The following KLK9 variants were observed in gnomAD, a reference collection of about 807,000 sequenced individuals.
KLK9 encodes the protein kallikrein related peptidase 9, also known as kallikrein-9.
Under a neutral mutation model 23.3 loss-of-function variants are expected in KLK9, and 26 were observed. The ratio of observed to expected loss-of-function variants is 1.12; its 90% CI spans 0.82 to 1.55. The LOEUF (loss-of-function observed/expected upper bound fraction) is 1.55, where lower values mean the gene tolerates loss of function less well. Ranked by LOEUF, KLK9 falls within the 40% of genes most tolerant of loss-of-function variation. The pLI is 0.00. For missense variants in KLK9, 346 were observed against 333.7 expected (o/e 1.04, Z -0.29); for synonymous variants, 122 against 128.5 (o/e 0.95, Z 0.34).
Position 51,006,333 on chromosome 19 carries a change from C to A in KLK9, c.466+125G>T. On this transcript the variant is annotated intron_variant, in intron 3 of 4. Coordinates refer to ENST00000594211, the MANE Select transcript of KLK9 (RefSeq NM_012315.2). This position sits in a 1 kb window ranked among gnomAD's most constrained non-coding sequence, Gnocchi z 4.1. ...GCATCTTATATTTGGTTAAATATAT[C>A]GATTGGCAGATAGATAGACTGACAG... 1 of 944,720 alleles carries A rather than the reference C, an allele frequency of 1.1e-6. No individual in the cohort carries two copies. 58.5% of individuals were successfully genotyped at this position (944,720 alleles called of 1,614,324 possible). A position where few individuals can be genotyped will look rare whatever the true frequency, so the allele number is the denominator to read the frequency against.
At position 51,002,998 on chromosome 19, in the gene KLK9, G is replaced by A. The variant is rs2122351883; in HGVS notation, c.*113C>T. ...GTCTTAGTGTCCAGAGGGGAGTCAG[G>A]GCAGCTGGAGGTCCAGGGCGGGAAC... On this transcript the variant is annotated 3_prime_UTR_variant, in exon 5 of 5. Coordinates refer to ENST00000594211, the MANE Select transcript of KLK9 (RefSeq NM_012315.2). 1 of 1,307,936 alleles carries A rather than the reference G, an allele frequency of 7.6e-7. No individual in the cohort carries two copies. Among genetic ancestry groups the A allele is most frequent in the East Asian group, 2.4e-5 (1 of 41,356 alleles). 81.0% of individuals were successfully genotyped at this position (1,307,936 alleles called of 1,614,324 possible). A position where few individuals can be genotyped will look rare whatever the true frequency, so the allele number is the denominator to read the frequency against.
At chr19:51,008,761 C>A (rs2091265439) in intron 2 of KLK9, among the ~76,000 whole-genome samples, 1 of 152,126 alleles carries the variant, frequency 6.6e-6, no homozygotes, top group South Asian at 2.1e-4. Flanking sequence ...TTTACTCATT[C>A]CTTATTTTTT....
At position 51,003,703 on chromosome 19, in the gene KLK9, C is replaced by A; in HGVS notation, c.603+1G>T. On this transcript the variant is annotated splice_donor_variant, in intron 4 of 4. Coordinates refer to ENST00000594211, the MANE Select transcript of KLK9 (RefSeq NM_012315.2). LOFTEE classifies it high-confidence loss of function. The stretch of plus-strand genomic sequence containing the variant: ...TCATTTTCCCCAGAGTAAGGTCTCA[C>A]CTGGCAGGAACCTCGGCCCCCCTCC... 1 of 1,611,034 alleles carries A rather than the reference C, an allele frequency of 6.2e-7. No individual in the cohort carries two copies. The highest frequency in any genetic ancestry group is 1.1e-5 in the South Asian group (1 of 90,656).
rs562939571 is a variant in KLK9, at chr19:51,003,632, C to T, written c.603+72G>A. On this transcript the variant is annotated intron_variant, in intron 4 of 4. Coordinates refer to ENST00000594211, the MANE Select transcript of KLK9 (RefSeq NM_012315.2). ...ATTTTGACCCAGGAAGGCTGGGGGC[C>T]GACCCCTCTGCTCCCCTAAATCCTA... The T allele has an allele frequency of 1.8e-4, 247 of 1,353,536 alleles. 4 individuals carry two copies. In the South Asian group the frequency reaches 2.5e-3, roughly 14 times the overall value. 83.8% of individuals were successfully genotyped at this position (1,353,536 alleles called of 1,614,324 possible).
At chr19:51,005,082 T>TGA (rs1253520598) in intron 3 of KLK9, among the ~76,000 whole-genome samples, 1 of 152,208 alleles carries the variant, frequency 6.6e-6, no homozygotes, top group Non-Finnish European at 1.5e-5. Flanking sequence ...TTTGGGAATG[T>TGA]GAGTTCTTCA....
In KLK9 at chr19:51,009,156, C is replaced by T. The variant is rs749577323; in HGVS notation, c.200+27G>A. 2 of 1,596,928 alleles carry T rather than the reference C, an allele frequency of 1.3e-6. No homozygotes were observed. The highest frequency in any genetic ancestry group is 2.3e-5 in the South Asian group (2 of 88,232). On this transcript the variant is annotated intron_variant, in intron 2 of 4. Transcript: ENST00000594211. This position sits in a 1 kb window ranked among gnomAD's most constrained non-coding sequence, Gnocchi z 4.8. ...CCTGACCCCCAGCCTCTGTCCCTCC[C>T]CAGCATGGCCAGCCTGGGTCACTCA... is the stretch of plus-strand genomic sequence containing the variant.
intron 3 of KLK9, among the ~76,000 whole-genome samples, chr19:51,005,814 C>T (rs1350122937): frequency 6.6e-6 from 1 of 151,572 alleles, no homozygotes; most frequent in African/African-American, 2.4e-5. Flanking sequence ...TGCAGTGGCT[C>T]ATGCCTGTTT....
At chr19:51,008,442 AGAATTATCT>A (rs1568559670) in intron 2 of KLK9, among the ~76,000 whole-genome samples, 1 of 152,124 alleles carries the variant, frequency 6.6e-6, no homozygotes, top group Non-Finnish European at 1.5e-5. Context: ...TTAAGACTAC[AGAATTATCT>A]GAATCTCAAT....
At chr19:51,003,331 C>G in intron 4 of KLK9, 71 bp from the exon 5 acceptor site, 1 of 1,492,092 alleles carries the variant, frequency 6.7e-7, no homozygotes. Flanking sequence ...GCCACTTCCT[C>G]CCTCCCAGAA....
chr19:51,006,236 T>C lies in KLK9; in HGVS notation c.466+222A>G, dbSNP rs1441878035. On this transcript the variant is annotated intron_variant, in intron 3 of 4. Transcript: ENST00000594211. The surrounding 1 kb of genome is among the most constrained non-coding windows in gnomAD (Gnocchi z 4.1). The stretch of plus-strand genomic sequence containing the variant: ...ATGGGATCTTTCCTCCTCCTCCTTT[T>C]TTTCTTCTCCTCCTCCTCCTTCTTC... Among the ~76,000 whole-genome samples, 5 of 151,922 alleles carry C rather than the reference T, an allele frequency of 3.3e-5. No individual in the cohort carries two copies. The highest frequency in any genetic ancestry group is 6.6e-5 in the Admixed American group (1 of 15,236).
Position 51,002,964 on chromosome 19 carries a change from A to T in KLK9, c.*147T>A. 1 of 966,498 alleles carries T rather than the reference A, an allele frequency of 1.0e-6. No individual in the cohort carries two copies. Among genetic ancestry groups the T allele is most frequent in the Non-Finnish European group, 1.5e-6 (1 of 666,302 alleles). 59.9% of individuals were successfully genotyped at this position (966,498 alleles called of 1,614,324 possible). A position where few individuals can be genotyped will look rare whatever the true frequency, so the allele number is the denominator to read the frequency against. ...TGACCTCGTGAGGGGGCGGAGCCTC[A>T]GGGGCGGAGTCTTAGTGTCCAGAGG... On this transcript the variant is annotated 3_prime_UTR_variant, in exon 5 of 5. Coordinates refer to ENST00000594211, the MANE Select transcript of KLK9 (RefSeq NM_012315.2).
chr19:51,003,523 T>C (rs2091243519), intron 4 of KLK9, among the ~76,000 whole-genome samples, 181 bp downstream of exon 4: 1 of 152,082 alleles, frequency 6.6e-6, no homozygotes, highest in Non-Finnish European at 1.5e-5. Flanking sequence ...AGTCTGGACC[T>C]CCAGACCTTT....
rs747496694 is a variant in KLK9 at position 51,006,696 on chromosome 19, GTGC to G, written c.225_227del (p.Glu75_His76delinsAsp). 147 of 1,603,728 alleles carry G rather than the reference GTGC, an allele frequency of 9.2e-5. 2 individuals carry two copies. The South Asian group carries it at 1.5e-3, about 17-fold the overall frequency. ...CCGGACCCTCCCATTTCCAGAGGTG[GTGC>G]TCTCCAAGGCGGACCCACAGATACC... On this transcript the variant is annotated inframe_deletion, in exon 3 of 5. Transcript: ENST00000594211. The surrounding 1 kb of genome is among the most constrained non-coding windows in gnomAD (Gnocchi z 4.1).
chr19:51,009,434 C>G lies in KLK9; in HGVS notation c.43+71G>C. 15 of 1,560,058 alleles carry G rather than the reference C, an allele frequency of 9.6e-6. No homozygotes were observed. In the South Asian group the frequency reaches 1.6e-4, roughly 17 times the overall value. On this transcript the variant is annotated intron_variant, in intron 1 of 4. Transcript: ENST00000594211. This position sits in a 1 kb window ranked among gnomAD's most constrained non-coding sequence, Gnocchi z 4.8. ...AAGCCTAGAGGGCAGGAGGCAGAAG[C>G]CTGGGATGGGAGGGAAGAGCAAGGT...
Position 51,009,210 on chromosome 19 carries a change from A to G in KLK9, c.173T>C (p.Leu58Pro), listed in dbSNP as rs1015301367. 7.9e-5 allele frequency: 127 copies of G among 1,609,258 alleles called. No individual in the cohort carries two copies. The highest frequency in any genetic ancestry group is 1.0e-4 in the Non-Finnish European group (121 of 1,179,066). Residue 58 changes from leucine (L) to proline (P), a missense_variant, in exon 2 of 5, where the codon CTG becomes CCG. Transcript: ENST00000594211. This position sits in a 1 kb window ranked among gnomAD's most constrained non-coding sequence, Gnocchi z 4.8. ...CTTGCGGCAGTGGGCAGCTGTGAGC[A>G]GCCAGCGGTCACTGATGAGGGTCGC... Reference protein sequence around the residue: ...CGATLISDRWLLTAAHCRKPY... With the variant: ...CGATLISDRWPLTAAHCRKPY...
In KLK9 at chr19:51,009,204, G is replaced by A. The variant is rs1279726869; in HGVS notation, c.179C>T (p.Thr60Ile). ...TCACGGCTTGCGGCAGTGGGCAGCT[G>A]TGAGCAGCCAGCGGTCACTGATGAG... ...ATLISDRWLL[T>I]AAHCRKPYLW... The change falls in exon 2 of 5, where the codon ACA (threonine) becomes ATA (isoleucine). Residue 60 changes from threonine (T) to isoleucine (I), a missense_variant. Physicochemically the swap from Thr to Ile is moderately conservative, Grantham distance 89. Transcript: ENST00000594211. This position sits in a 1 kb window ranked among gnomAD's most constrained non-coding sequence, Gnocchi z 4.8. 9 of 1,608,524 alleles carry A rather than the reference G, an allele frequency of 5.6e-6. No homozygotes were observed. In the African/African-American group the frequency reaches 1.1e-4, roughly 19 times the overall value.
At position 51,009,470 on chromosome 19, in the gene KLK9, C is replaced by A. The variant is rs920077852; in HGVS notation, c.43+35G>T. ...AGGGAAGAGCAAGGTGACCTTAGTA[C>A]AGCCGTGAAGGGGCAGCCAGCCTGG... On this transcript the variant is annotated intron_variant, in intron 1 of 4. Coordinates refer to ENST00000594211, the MANE Select transcript of KLK9 (RefSeq NM_012315.2). The surrounding 1 kb of genome is among the most constrained non-coding windows in gnomAD (Gnocchi z 4.8). The A allele has an allele frequency of 1.3e-6, 2 of 1,594,520 alleles. No homozygotes were observed. Among genetic ancestry groups the A allele is most frequent in the African/African-American group, 2.7e-5 (2 of 74,520 alleles).
In KLK9 at chr19:51,003,167, C is replaced by T; in HGVS notation, c.697G>A (p.Val233Ile). ...AGGTAGTGGCATACGCTGGTGTAGACTGCGGGGCGCCGGGGTCTGGAGCAG... is the reference window on the plus strand; with the variant it reads ...AGGTAGTGGCATACGCTGGTGTAGATTGCGGGGCGCCGGGGTCTGGAGCAG... ...EPCSRPRRPA[V>I]YTSVCHYLDW... The change falls in exon 5 of 5, where the codon GTC (valine) becomes ATC (isoleucine). Residue 233 changes from valine to isoleucine, a missense_variant. Physicochemically the swap from Val to Ile is conservative, Grantham distance 29. Transcript: ENST00000594211. The T allele has an allele frequency of 1.3e-6, 2 of 1,567,908 alleles. No individual in the cohort carries two copies. Among genetic ancestry groups the T allele is most frequent in the South Asian group, 2.3e-5 (2 of 85,824 alleles).
In KLK9 at chr19:51,009,383, T is replaced by A; in HGVS notation, c.44-44A>T. On this transcript the variant is annotated intron_variant, in intron 1 of 4. Transcript: ENST00000594211. The surrounding 1 kb of genome is among the most constrained non-coding windows in gnomAD (Gnocchi z 4.8). ...ACAAAGGGGTCAGCGAAGAGCAGGC[T>A]GGGAGGGCAGGGAGAGGATGCTGAG... 1.3e-6 allele frequency: 2 copies of A among 1,549,524 alleles called. No individual in the cohort carries two copies. The highest frequency in any genetic ancestry group is 1.7e-6 in the Non-Finnish European group (2 of 1,146,258).
Sources: allele counts gnomAD v4.1 joint callset (sites outside exome capture counted in the v4.1 genomes callset), GRCh38; gene constraint gnomAD v4.1.1; non-coding constraint Gnocchi (gnomAD v3.1); transcripts MANE v1.5; gene names NCBI Gene and HGNC (gene_info 2026-07-23, HGNC 2026-07-21).